Variants in BTC observed in about 807,000 individuals in gnomAD.
The protein encoded by BTC is probetacellulin.
Under a neutral mutation model 18.1 loss-of-function variants are expected in BTC, and 13 were observed. That is an observed-to-expected ratio of 0.72 (90% CI 0.47 to 1.14). The LOEUF is 1.14. Among genes scored for constraint, BTC ranks in the 50% most tolerant of loss-of-function variants. The pLI, the probability that BTC is intolerant of heterozygous loss-of-function variation, is 0.00. For synonymous variants in BTC, 83 were observed against 79.4 expected, an observed-to-expected ratio of 1.05 and a Z score of -0.24; for missense variants, 247 against 224.2, an observed-to-expected ratio of 1.10 and a Z score of -0.65.
At chr4:74,749,678 A>ATTTTTTTTTT (rs1560708204) in intron 4 of BTC, among the ~76,000 whole-genome samples, 3 of 90,628 alleles carry the variant, frequency 3.3e-5, no homozygotes, top group African/African-American at 1.3e-4. Context: ...TTAATAAGAT[A>ATTTTTTTTTT]GTTTTTTTTG....
rs183913153 is a variant in BTC at position 74,752,919 on chromosome 4, T to A, written c.282-2200A>T. ...GATTGGTGGCTTAACAATGCTTTAATTGAATTTCTCAGTAAGCAGTACTTC... is the reference window on the plus strand; with the variant it reads ...GATTGGTGGCTTAACAATGCTTTAAATGAATTTCTCAGTAAGCAGTACTTC... On this transcript the variant is annotated intron_variant, in intron 3 of 5. Transcript: ENST00000395743. 3.2e-4 allele frequency among the ~76,000 whole-genome samples: 49 copies of A among 152,342 alleles called. No individual in the cohort carries two copies. The East Asian group carries it at 8.5e-3, about 26-fold the overall frequency.
At chr4:74,760,370 AGGGC>A (rs1205768854) in intron 2 of BTC, among the ~76,000 whole-genome samples, 6 of 152,368 alleles carry the variant, frequency 3.9e-5, no homozygotes, top group African/African-American at 1.4e-4. Context: ...AGTAGAGCCT[AGGGC>A]TTTGTTATTT....
chr4:74,754,161 G>A (rs909393588), intron 3 of BTC, among the ~76,000 whole-genome samples: 7 of 152,178 alleles, frequency 4.6e-5, no homozygotes, highest in Non-Finnish European at 1.0e-4. Flanking sequence ...CCCATTGACT[G>A]TGTATTATTC....
At chr4:74,747,891 G>T in intron 5 of BTC, 149 bp downstream of exon 5, 1 of 477,834 alleles carries the variant, frequency 2.1e-6, no homozygotes, top group Non-Finnish European at 3.6e-6. Flanking sequence ...TCTGGCTTCA[G>T]ATTCTATGAA....
chr4:74,794,315 G>T lies in BTC; in HGVS notation c.11C>A (p.Ala4Asp), dbSNP rs1169021542. MDR[A>D]ARCSGASSLP... is the part of the protein sequence containing the mutation. ...GGAGCTGGCGCCGCTGCACCGGGCGGCCCGGTCCATCAACCCCGCTCTGCC... is the reference window on the plus strand; with the variant it reads ...GGAGCTGGCGCCGCTGCACCGGGCGTCCCGGTCCATCAACCCCGCTCTGCC... The change falls in exon 1 of 6, where the codon GCC (alanine) becomes GAC (aspartate). Residue 4 changes from alanine (A) to aspartate (D), a missense_variant. Coordinates refer to ENST00000395743, the MANE Select transcript of BTC (RefSeq NM_001729.4). The T allele has an allele frequency of 1.3e-6, 2 of 1,547,174 alleles. No individual in the cohort carries two copies. The highest frequency in any genetic ancestry group is 1.7e-6 in the Non-Finnish European group (2 of 1,145,978).
At position 74,782,462 on chromosome 4, in the gene BTC, G is replaced by A. The variant is rs532432357; in HGVS notation, c.64+11800C>T. On this transcript the variant is annotated intron_variant, in intron 1 of 5. Transcript: ENST00000395743. ...CCTTTTTATGGTTGCATAGTATTCC[G>A]TGTTGTATATGTACCACATTTTATT... Among the ~76,000 whole-genome samples, 53 of 152,206 alleles carry A rather than the reference G, an allele frequency of 3.5e-4. 1 individual carries two copies. The highest frequency in any genetic ancestry group is 9.2e-4 in the African/African-American group (38 of 41,520).
chr4:74,770,464 T>A (rs2109900455), intron 1 of BTC, among the ~76,000 whole-genome samples: 1 of 152,256 alleles, frequency 6.6e-6, no homozygotes, highest in South Asian at 2.1e-4. Context: ...GAATTCCCAG[T>A]CCCTGAGTGA....
In BTC at chr4:74,746,225, A is replaced by G. The variant is rs1560706087; in HGVS notation, c.*452T>C. The G allele has an allele frequency of 6.6e-6, 1 of 152,320 alleles. No homozygotes were observed. The allele number at this position is 152,320 out of a possible 1,614,324, so 9.4% of individuals were successfully genotyped here. On this transcript the variant is annotated 3_prime_UTR_variant, in exon 6 of 6. Transcript: ENST00000395743. ...ACTTGACTTCTTTGGCCCTGTTTCC[A>G]TATGTAGGAAATGAGGATTATAATA...
intron 1 of BTC, among the ~76,000 whole-genome samples, chr4:74,782,917 G>A (rs564985387): frequency 1.2e-4 from 18 of 152,140 alleles, no homozygotes; most frequent in East Asian, 5.8e-4. Flanking sequence ...GTGCCTGTTC[G>A]TGTCCTTTGC....
chr4:74,775,422 G>T (rs1379071225), intron 1 of BTC, among the ~76,000 whole-genome samples: 1 of 152,078 alleles, frequency 6.6e-6, no homozygotes, highest in Non-Finnish European at 1.5e-5. Context: ...ATGATACTCA[G>T]CTGTAGAAAA....
intron 3 of BTC, among the ~76,000 whole-genome samples, chr4:74,754,760 A>G (rs1462485873): frequency 8.5e-5 from 13 of 152,230 alleles, no homozygotes; most frequent in Non-Finnish European, 1.6e-4. Flanking sequence ...TAGATTACAC[A>G]CTGTGGTTTT....
chr4:74,756,284 C>T (rs1577950984), intron 2 of BTC, among the ~76,000 whole-genome samples: 2 of 152,240 alleles, frequency 1.3e-5, no homozygotes, highest in Admixed American at 1.3e-4. Context: ...GGCTTTCATT[C>T]CATGAAAGTT....
chr4:74,752,567 A>G (rs1724492948), intron 3 of BTC, among the ~76,000 whole-genome samples: 3 of 151,934 alleles, frequency 2.0e-5, no homozygotes. Context: ...TTTAGTAGAG[A>G]CAGGGTTTCC....
chr4:74,748,109 C>CTTCTTCT lies in BTC; in HGVS notation c.462_468dup (p.Glu157ArgfsTer9). On this transcript the variant is annotated frameshift_variant, in exon 5 of 6. Transcript: ENST00000395743. LOFTEE classifies it high-confidence loss of function. Reference sequence around the variant, plus strand: ...ATATCTTTACCCAGAGTTTCCATTTCTTCTTCTTTCTTCTTTCTTTTACGA... The same window carrying CTTCTTCT: ...ATATCTTTACCCAGAGTTTCCATTTCTTCTTCTTTCTTCTTTCTTCTTTCTTTTACGA... 1 of 1,609,934 alleles carries CTTCTTCT rather than the reference C, an allele frequency of 6.2e-7. No homozygotes were observed. The highest frequency in any genetic ancestry group is 8.5e-7 in the Non-Finnish European group (1 of 1,178,924).
chr4:74,746,034 A>G lies in BTC; in HGVS notation c.*643T>C, dbSNP rs1221846676. 1 of 152,200 alleles carries G rather than the reference A, an allele frequency of 6.6e-6. No homozygotes were observed. The highest frequency in any genetic ancestry group is 6.5e-5 in the Admixed American group (1 of 15,284). 9.4% of individuals were successfully genotyped at this position (152,200 alleles called of 1,614,324 possible). A position where few individuals can be genotyped will look rare whatever the true frequency, so the allele number is the denominator to read the frequency against. On this transcript the variant is annotated 3_prime_UTR_variant, in exon 6 of 6. Transcript: ENST00000395743. ...GTCTTGACATCTCACAATCATACCA[A>G]AACACAGTTCAGTATAAAACCTTGG...
intron 2 of BTC, among the ~76,000 whole-genome samples, chr4:74,766,345 T>C (rs1356663767): frequency 6.6e-6 from 1 of 152,130 alleles, no homozygotes; most frequent in Admixed American, 6.6e-5. Flanking sequence ...AATTAATTTT[T>C]CCTTTGACTG....
At chr4:74,774,707 A>T (rs953549336) in intron 1 of BTC, among the ~76,000 whole-genome samples, 4 of 143,442 alleles carry the variant, frequency 2.8e-5, no homozygotes, top group African/African-American at 1.2e-4. Flanking sequence ...ATTGTGATGG[A>T]AGAGGAGGCT....
Position 74,748,045 on chromosome 4 carries a change from G to A in BTC, c.533C>T (p.Ala178Val). The stretch of plus-strand genomic sequence containing the variant: ...AGCAAGTTTATCTCACTTACTTTAA[G>A]CAATATTTGTCTCTTCAATATCTTC... Reference protein sequence around the residue: ...INEDIEETNIA With the variant: ...INEDIEETNIV Residue 178 changes from alanine to valine, a missense_variant, in exon 5 of 6, where the codon GCT becomes GTT. By Grantham distance (64) the Ala-to-Val change is moderately conservative. Coordinates refer to ENST00000395743, the MANE Select transcript of BTC (RefSeq NM_001729.4). 6.4e-7 allele frequency: 1 copy of A among 1,570,700 alleles called. No homozygotes were observed. The highest frequency in any genetic ancestry group is 8.7e-7 in the Non-Finnish European group (1 of 1,147,058).
At chr4:74,782,270 G>A (rs981090636) in intron 1 of BTC, among the ~76,000 whole-genome samples, 5 of 151,950 alleles carry the variant, frequency 3.3e-5, no homozygotes, top group East Asian at 1.9e-4. Context: ...CCTATCCCCC[G>A]ACAGGCCCCA....
Sources: gnomAD v4.1 joint callset for allele counts (sites outside exome capture counted in the v4.1 genomes callset) on GRCh38, gnomAD v4.1.1 for gene constraint, MANE v1.5 for transcripts, NCBI Gene and HGNC (gene_info 2026-07-23, HGNC 2026-07-21) for gene names.